KCNIP4: variants seen among roughly 807,000 people sequenced by gnomAD.
The protein encoded by KCNIP4 is Kv channel-interacting protein 4.
KCNIP4 carries 12 observed loss-of-function variants against 34.0 expected under a neutral mutation model. The ratio of observed to expected loss-of-function variants is 0.35; its 90% CI spans 0.23 to 0.57. The LOEUF (loss-of-function observed/expected upper bound fraction) is 0.57. Among genes scored for constraint, KCNIP4 ranks in the 20% least tolerant of loss-of-function variants. The pLI is 0.83. For missense variants in KCNIP4, 238 were observed against 311.7 expected (o/e 0.76, Z 1.78); for synonymous variants, 124 against 102.2 (o/e 1.21, Z -1.29).
At chr4:20,894,790 A>T (rs1176689289) in intron 1 of KCNIP4, among the ~76,000 whole-genome samples, 1 of 152,224 alleles carries the variant, frequency 6.6e-6, no homozygotes, top group Non-Finnish European at 1.5e-5. Context: ...GAAATGAATT[A>T]AACAATAGAA....
intron 2 of KCNIP4, 33 bp from the exon 3 acceptor site, chr4:20,850,700 C>A (rs749267508): frequency 3.1e-6 from 5 of 1,604,096 alleles, no homozygotes; most frequent in Non-Finnish European, 4.3e-6. Context: ...GTCTTAGGAC[C>A]AGCCACTGCT....
At chr4:21,778,668 T>C (rs554094267) in intron 1 of KCNIP4, among the ~76,000 whole-genome samples, 1 of 152,192 alleles carries the variant, frequency 6.6e-6, no homozygotes, top group South Asian at 2.1e-4. Flanking sequence ...GAAGCACATT[T>C]TATATAAATC....
chr4:21,812,645 T>C (rs1391984883), intron 1 of KCNIP4, among the ~76,000 whole-genome samples: 1 of 152,180 alleles, frequency 6.6e-6, no homozygotes, highest in African/African-American at 2.4e-5. Flanking sequence ...AATAAGTCAA[T>C]TTCTTTATTT....
chr4:21,478,162 A>T (rs1229821664), intron 1 of KCNIP4, among the ~76,000 whole-genome samples: 1 of 151,998 alleles, frequency 6.6e-6, no homozygotes, highest in Non-Finnish European at 1.5e-5. Context: ...TCCTTTCTTA[A>T]TCTGGTTAAT....
intron 1 of KCNIP4, among the ~76,000 whole-genome samples, chr4:21,266,695 A>G (rs1272346701): frequency 6.6e-6 from 1 of 152,216 alleles, no homozygotes; most frequent in Non-Finnish European, 1.5e-5. Context: ...ATCTTGTCTT[A>G]ATTATAAACC....
chr4:21,310,888 A>C (rs1472533477), intron 1 of KCNIP4, among the ~76,000 whole-genome samples: 1 of 152,154 alleles, frequency 6.6e-6, no homozygotes, highest in Non-Finnish European at 1.5e-5. Context: ...TCGACCTCCC[A>C]AAGTGCTGGG....
At chr4:20,859,810 C>T (rs528698156) in intron 2 of KCNIP4, among the ~76,000 whole-genome samples, 11 of 152,258 alleles carry the variant, frequency 7.2e-5, no homozygotes, top group Admixed American at 6.5e-4. Flanking sequence ...CAAATATGAG[C>T]GTGAGTCCTA....
chr4:21,129,208 C>A lies in KCNIP4; in HGVS notation c.62-246499G>T, dbSNP rs1442451205. 1.4e-3 allele frequency among the ~76,000 whole-genome samples: 207 copies of A among 152,308 alleles called. 1 individual carries two copies. The highest frequency in any genetic ancestry group is 1.5e-5 in the Non-Finnish European group (1 of 68,014). On this transcript the variant is annotated intron_variant, in intron 1 of 8. Transcript: ENST00000382152. ...TCATGTAGGATGTCACTTTGCTCCT[C>A]CTTTGCCTTCCACCACGATTGTGAG...
Position 21,519,343 on chromosome 4 carries a change from TACACACAC to T in KCNIP4, c.61+429220_61+429227del, listed in dbSNP as rs137872471. Among the ~76,000 whole-genome samples, 826 of 115,124 alleles carry T rather than the reference TACACACAC, an allele frequency of 7.2e-3. 14 individuals are homozygous for T. Among genetic ancestry groups the T allele is most frequent in the African/African-American group, 0.024 (779 of 32,718 alleles). 75.5% of individuals were successfully genotyped at this position (115,124 alleles called of 152,430 possible). ...ACAGAAATAATAGGAGAGAGAGAGA[TACACACAC>T]ACACACACACACACACACACACGTA... On this transcript the variant is annotated intron_variant, in intron 1 of 8. Coordinates refer to ENST00000382152, the MANE Select transcript of KCNIP4 (RefSeq NM_025221.6).
chr4:21,719,249 GAC>G (rs1714614093), intron 1 of KCNIP4, among the ~76,000 whole-genome samples: 1 of 152,114 alleles, frequency 6.6e-6, no homozygotes, highest in Admixed American at 6.6e-5. Context: ...AATTATATCA[GAC>G]ACCCAGGAAC....
At chr4:21,923,971 T>C (rs1054689218) in intron 1 of KCNIP4, among the ~76,000 whole-genome samples, 9 of 152,158 alleles carry the variant, frequency 5.9e-5, no homozygotes, top group African/African-American at 2.2e-4. Context: ...TTTGTCATGG[T>C]GCCACAGAAG....
chr4:20,750,061 T>C (rs1253263782), intron 4 of KCNIP4, among the ~76,000 whole-genome samples: 1 of 152,182 alleles, frequency 6.6e-6, no homozygotes, highest in Non-Finnish European at 1.5e-5. Flanking sequence ...GGAATTTGCT[T>C]AGTGTTTGGA....
intron 1 of KCNIP4, among the ~76,000 whole-genome samples, chr4:21,871,453 T>G (rs1212409829): frequency 6.6e-6 from 1 of 151,712 alleles, no homozygotes; most frequent in East Asian, 2.0e-4. Context: ...CATGGAATAC[T>G]ATGCAGCCAT....
chr4:21,004,329 TG>T (rs139832762), intron 1 of KCNIP4, among the ~76,000 whole-genome samples: 1,571 of 152,324 alleles, frequency 0.01, 19 homozygotes, highest in African/African-American at 0.036. Flanking sequence ...AGAGAGTATA[TG>T]GGCGACTCCC....
At chr4:20,917,649 T>C (rs372783588) in intron 1 of KCNIP4, among the ~76,000 whole-genome samples, 77 of 152,218 alleles carry the variant, frequency 5.1e-4, no homozygotes, top group African/African-American at 1.7e-3. Context: ...GAAAAAAAGA[T>C]TGAAAGCACA....
chr4:21,631,561 T>G (rs1745768255), intron 1 of KCNIP4, among the ~76,000 whole-genome samples: 1 of 152,152 alleles, frequency 6.6e-6, no homozygotes, highest in South Asian at 2.1e-4. Flanking sequence ...AAAAATGTAT[T>G]TCTATCCTCC....
intron 1 of KCNIP4, among the ~76,000 whole-genome samples, chr4:21,601,122 G>A (rs1353337905): frequency 6.6e-6 from 1 of 151,212 alleles, no homozygotes; most frequent in African/African-American, 2.4e-5. Flanking sequence ...CAGTGTCCTA[G>A]GGTTCTATCT....
intron 1 of KCNIP4, among the ~76,000 whole-genome samples, chr4:21,936,952 G>A (rs1277242059): frequency 6.6e-6 from 1 of 151,874 alleles, no homozygotes; most frequent in Non-Finnish European, 1.5e-5. Context: ...ATTCTTTACA[G>A]TTCTGACTCT....
At chr4:20,972,433 AAAC>A (rs1735049572) in intron 1 of KCNIP4, among the ~76,000 whole-genome samples, 1 of 152,200 alleles carries the variant, frequency 6.6e-6, no homozygotes, top group Admixed American at 6.5e-5. Flanking sequence ...AGAGGCATAA[AAAC>A]AACATTAATC....
Sources: gnomAD v4.1 joint callset for allele counts (sites outside exome capture counted in the v4.1 genomes callset) on GRCh38, gnomAD v4.1.1 for gene constraint, MANE v1.5 for transcripts, NCBI Gene and HGNC (gene_info 2026-07-23, HGNC 2026-07-21) for gene names.